Variants in FBXL20 observed in about 807,000 individuals in gnomAD.
FBXL20 encodes F-box/LRR-repeat protein 20.
Under a neutral mutation model 64.0 loss-of-function variants are expected in FBXL20, and 11 were observed. The ratio of observed to expected loss-of-function variants is 0.17; its 90% CI spans 0.11 to 0.28. FBXL20 has a LOEUF of 0.28. FBXL20 is among the 10% of genes least tolerant of loss of function. The pLI, the probability that FBXL20 is intolerant of heterozygous loss-of-function variation, is 1.00. For missense variants in FBXL20, 303 were observed against 526.2 expected, an observed-to-expected ratio of 0.58 and a Z score of 4.15; for synonymous variants, 184 against 189.0, an observed-to-expected ratio of 0.97 and a Z score of 0.22.
At chr17:39,343,032 C>A in intron 2 of FBXL20, 148 bp downstream of exon 2, 2 of 469,456 alleles carry the variant, frequency 4.3e-6, no homozygotes, top group South Asian at 5.9e-5. Flanking sequence ...CTAAAAAATG[C>A]AGAGTAAGAT....
chr17:39,321,369 G>A (rs1340234204), intron 2 of FBXL20, among the ~76,000 whole-genome samples: 3 of 150,636 alleles, frequency 2.0e-5, no homozygotes, highest in Non-Finnish European at 4.4e-5. Context: ...GGAGTTGGAG[G>A]TTGAACCTGG....
intron 2 of FBXL20, among the ~76,000 whole-genome samples, chr17:39,342,167 A>C (rs2047589034): frequency 6.6e-6 from 1 of 152,162 alleles, no homozygotes; most frequent in South Asian, 2.1e-4. Flanking sequence ...TTCATGGTGA[A>C]AACAAAGAAC....
chr17:39,401,870 T>A, upstream of FBXL20: 1 of 393,632 alleles, frequency 2.5e-6, no homozygotes, highest in Non-Finnish European at 4.0e-6. Context: ...GACGAGCCCA[T>A]CGGGAGAAGG....
intron 9 of FBXL20, among the ~76,000 whole-genome samples, chr17:39,280,435 G>A (rs1446660622): frequency 1.3e-5 from 2 of 149,452 alleles, no homozygotes; most frequent in Non-Finnish European, 3.0e-5. Context: ...AGCTGGGTGT[G>A]GCGTGTAATC....
At chr17:39,358,644 T>C (rs1230597830) in intron 1 of FBXL20, among the ~76,000 whole-genome samples, 6 of 151,564 alleles carry the variant, frequency 4.0e-5, no homozygotes, top group African/African-American at 1.2e-4. Flanking sequence ...ATCAAACCAC[T>C]GCACTCCAGC....
chr17:39,277,465 A>G (rs1424964387), intron 9 of FBXL20, among the ~76,000 whole-genome samples: 3 of 152,150 alleles, frequency 2.0e-5, no homozygotes, highest in Non-Finnish European at 4.4e-5. Context: ...CAGTACTTTA[A>G]AAAATTGTAG....
intron 1 of FBXL20, among the ~76,000 whole-genome samples, chr17:39,382,461 AAT>A (rs1383562902): frequency 5.3e-4 from 75 of 140,826 alleles, no homozygotes; most frequent in African/African-American, 1.8e-3. Context: ...AAAAAAAAAA[AAT>A]AGATGAAAGG....
chr17:39,345,368 A>G (rs575549701), intron 1 of FBXL20, among the ~76,000 whole-genome samples: 19 of 152,172 alleles, frequency 1.2e-4, no homozygotes, highest in Non-Finnish European at 1.9e-4. Flanking sequence ...AGCTTAAAAG[A>G]AGGCCAAAAA....
intron 13 of FBXL20, 22 bp downstream of exon 13, chr17:39,265,375 A>G (rs1267158153): frequency 6.3e-7 from 1 of 1,590,568 alleles, no homozygotes; most frequent in Non-Finnish European, 8.6e-7. Context: ...TAAACACATA[A>G]AGTTTTCAAA....
At chr17:39,332,629 C>T (rs1324375734) in intron 2 of FBXL20, among the ~76,000 whole-genome samples, 1 of 151,036 alleles carries the variant, frequency 6.6e-6, no homozygotes, top group Non-Finnish European at 1.5e-5. Flanking sequence ...GCAAGCTCCG[C>T]CTCCTGGGTT....
At position 39,378,536 on chromosome 17, in the gene FBXL20, A is replaced by AATGAAT. The variant is rs2047992164; in HGVS notation, c.42+22824_42+22825insATTCAT. 2.0e-5 allele frequency among the ~76,000 whole-genome samples: 3 copies of AATGAAT among 152,222 alleles called. No homozygotes were observed. In the South Asian group the frequency reaches 6.2e-4, roughly 32 times the overall value. ...CAACAGGCACACAAAAAGATGGTCA[A>AATGAAT]CATCATTCATTAGACAATTACAAAG... On this transcript the variant is annotated intron_variant, in intron 1 of 14. Transcript: ENST00000264658.
intron 1 of FBXL20, among the ~76,000 whole-genome samples, chr17:39,376,009 C>T (rs971812541): frequency 6.6e-6 from 1 of 152,088 alleles, no homozygotes; most frequent in Non-Finnish European, 1.5e-5. Flanking sequence ...ATCCTGGCTA[C>T]TTGGGAGGCT....
At chr17:39,270,437 G>A (rs1407582101) in intron 11 of FBXL20, among the ~76,000 whole-genome samples, 2 of 152,048 alleles carry the variant, frequency 1.3e-5, no homozygotes, top group Non-Finnish European at 2.9e-5. Context: ...CCAGCTACTC[G>A]GGAGGCTGAG....
chr17:39,262,477 C>A (rs1302601484), intron 14 of FBXL20, among the ~76,000 whole-genome samples: 2 of 151,930 alleles, frequency 1.3e-5, no homozygotes, highest in African/African-American at 4.8e-5. Context: ...GATGGCATTT[C>A]GTCATGTTGA....
Position 39,257,700 on chromosome 17 carries a change from C to T in FBXL20, c.*3760G>A, listed in dbSNP as rs2046707661. The T allele has an allele frequency of 6.6e-6, 1 of 152,246 alleles. No homozygotes were observed. The highest frequency in any genetic ancestry group is 6.5e-5 in the Admixed American group (1 of 15,286). The allele number at this position is 152,246 out of a possible 1,614,324, so 9.4% of individuals were successfully genotyped here. Reference sequence around the variant, plus strand: ...AAAATGGCCTGAGCCACCTAACAGTCACTGAACTTTAAGGCTGCCTTTGAC... The same window carrying T: ...AAAATGGCCTGAGCCACCTAACAGTTACTGAACTTTAAGGCTGCCTTTGAC... On this transcript the variant is annotated 3_prime_UTR_variant, in exon 15 of 15. Coordinates refer to ENST00000264658, the MANE Select transcript of FBXL20 (RefSeq NM_032875.3).
At chr17:39,344,259 G>T (rs2047610729) in intron 1 of FBXL20, among the ~76,000 whole-genome samples, 1 of 151,674 alleles carries the variant, frequency 6.6e-6, no homozygotes. Context: ...GCTGAGGTGG[G>T]AGGACTGCCT....
At chr17:39,366,155 T>G (rs2047857894) in intron 1 of FBXL20, among the ~76,000 whole-genome samples, 2 of 152,280 alleles carry the variant, frequency 1.3e-5, no homozygotes, top group African/African-American at 4.8e-5. Context: ...TTCAGTGTAA[T>G]TTTCTCACAA....
rs2046661364 is a variant in FBXL20 at position 39,252,761 on chromosome 17, A to T, written c.*8699T>A. On this transcript the variant is annotated 3_prime_UTR_variant, in exon 15 of 15. Transcript: ENST00000264658. ...CAATTTACTTTATATATTTATATATAAAAAACTTTTTTTTTTTTTTTTTAG... is the reference window on the plus strand; with the variant it reads ...CAATTTACTTTATATATTTATATATTAAAAACTTTTTTTTTTTTTTTTTAG... 1 of 149,190 alleles carries T rather than the reference A, an allele frequency of 6.7e-6. No individual in the cohort carries two copies. Among genetic ancestry groups the T allele is most frequent in the Non-Finnish European group, 1.5e-5 (1 of 67,734 alleles). The allele number at this position is 149,190 out of a possible 1,614,324, so 9.2% of individuals were successfully genotyped here.
At chr17:39,376,540 G>A (rs1269666955) in intron 1 of FBXL20, among the ~76,000 whole-genome samples, 2 of 152,148 alleles carry the variant, frequency 1.3e-5, no homozygotes, top group African/African-American at 4.8e-5. Flanking sequence ...TCTCACCTCT[G>A]GTTGATCTTG....
Sources: allele counts gnomAD v4.1 joint callset (sites outside exome capture counted in the v4.1 genomes callset), GRCh38; gene constraint gnomAD v4.1.1; transcripts MANE v1.5; gene names NCBI Gene and HGNC (gene_info 2026-07-23, HGNC 2026-07-21).